The following PLXNA4 variants were observed in gnomAD, a reference collection of about 807,000 sequenced individuals.
PLXNA4 encodes the protein plexin-A4.
PLXNA4 carries 44 observed loss-of-function variants against 191.8 expected under a neutral mutation model. That is an observed-to-expected ratio of 0.23 (90% confidence interval 0.18 to 0.29). PLXNA4 has a LOEUF of 0.29. Ranked by LOEUF, PLXNA4 falls within the 10% of genes least tolerant of loss-of-function variation. The pLI is 1.00. For missense variants in PLXNA4, 1,800 were observed against 2,488.8 expected (o/e 0.72, Z 5.89); for synonymous variants, 1,082 against 1,009.5 (o/e 1.07, Z -1.36).
intron 3 of PLXNA4, among the ~76,000 whole-genome samples, chr7:132,413,766 C>T (rs577819425): frequency 6.6e-6 from 1 of 152,296 alleles, no homozygotes; most frequent in African/African-American, 2.4e-5. Context: ...TACCTGGAAA[C>T]CCATATATTA....
intron 21 of PLXNA4, among the ~76,000 whole-genome samples, chr7:132,169,391 G>A (rs35701875): frequency 0.35 from 52,761 of 151,886 alleles, 10,810 homozygotes; most frequent in African/African-American, 0.56. Flanking sequence ...GAGATGTCCA[G>A]GGGTGTGCAT....
intron 1 of PLXNA4, among the ~76,000 whole-genome samples, chr7:132,528,043 C>T (rs1585279404): frequency 6.6e-6 from 1 of 152,204 alleles, no homozygotes; most frequent in East Asian, 1.9e-4. Context: ...GAAGCCCAAT[C>T]AGGGTGACAA....
At chr7:132,142,034 G>T (rs1382987514) in intron 29 of PLXNA4, among the ~76,000 whole-genome samples, 4 of 152,188 alleles carry the variant, frequency 2.6e-5, no homozygotes, top group Non-Finnish European at 5.9e-5. Context: ...CCTGGCCTGT[G>T]TGTTTCTTAG....
chr7:132,167,982 C>A (rs1198318435), intron 22 of PLXNA4, among the ~76,000 whole-genome samples: 1 of 152,150 alleles, frequency 6.6e-6, no homozygotes, highest in African/African-American at 2.4e-5. Flanking sequence ...GTCTAAGTGA[C>A]CTCTGAAGAT....
intron 2 of PLXNA4, among the ~76,000 whole-genome samples, chr7:132,637,729 A>G (rs1480667005): frequency 1.3e-5 from 2 of 152,196 alleles, no homozygotes; most frequent in African/African-American, 4.8e-5. Context: ...ATAACTGAAA[A>G]TGAGGACAGG....
intron 3 of PLXNA4, among the ~76,000 whole-genome samples, chr7:132,323,497 C>T (rs1427175591): frequency 6.6e-6 from 1 of 152,150 alleles, no homozygotes; most frequent in Non-Finnish European, 1.5e-5. Context: ...GGAGGCCTGA[C>T]CTGGGTCCAC....
chr7:132,338,097 A>C (rs1368474211), intron 3 of PLXNA4, among the ~76,000 whole-genome samples: 1 of 152,206 alleles, frequency 6.6e-6, no homozygotes, highest in Admixed American at 6.5e-5. Flanking sequence ...TATGACTTTC[A>C]TCCTCTATGA....
chr7:132,449,047 C>T (rs1796017929), intron 3 of PLXNA4, among the ~76,000 whole-genome samples: 1 of 151,928 alleles, frequency 6.6e-6, no homozygotes, highest in Admixed American at 6.6e-5. Context: ...TGGCAAACCA[C>T]TGGTTTATGA....
In PLXNA4 at chr7:132,127,908, T is replaced by TA. The variant is rs1212725722; in HGVS notation, c.*2570dup. On this transcript the variant is annotated 3_prime_UTR_variant, in exon 32 of 32. Coordinates refer to ENST00000321063, the MANE Select transcript of PLXNA4 (RefSeq NM_020911.2). ...AACAATAACAATAATCATCATCCAG[T>TA]AAAAAATAAAAGCTTCAGCAGAACC... 1.5e-5 allele frequency: 2 copies of TA among 134,572 alleles called. No homozygotes were observed. Among genetic ancestry groups the TA allele is most frequent in the African/African-American group, 5.5e-5 (2 of 36,080 alleles). The allele number at this position is 134,572 out of a possible 1,614,324, so 8.3% of individuals were successfully genotyped here. A position where few individuals can be genotyped will look rare whatever the true frequency, so the allele number is the denominator to read the frequency against.
chr7:132,442,701 G>A (rs1795742388), intron 3 of PLXNA4, among the ~76,000 whole-genome samples: 1 of 152,168 alleles, frequency 6.6e-6, no homozygotes, highest in Admixed American at 6.5e-5. Flanking sequence ...GTGGAAAACT[G>A]ACCAAGACAA....
At chr7:132,412,304 T>G (rs1794489902) in intron 3 of PLXNA4, among the ~76,000 whole-genome samples, 1 of 152,222 alleles carries the variant, frequency 6.6e-6, no homozygotes, top group Non-Finnish European at 1.5e-5. Flanking sequence ...TGAATGAAGT[T>G]GCTAGATGAA....
At chr7:132,144,133 C>G (rs1795353523) in intron 29 of PLXNA4, among the ~76,000 whole-genome samples, 1 of 152,186 alleles carries the variant, frequency 6.6e-6, no homozygotes, top group South Asian at 2.1e-4. Flanking sequence ...CAGGCCCACA[C>G]TGCCTCAGAA....
At chr7:132,499,121 C>A (rs117999259) in intron 2 of PLXNA4, among the ~76,000 whole-genome samples, 139 of 152,362 alleles carry the variant, frequency 9.1e-4, no homozygotes, top group East Asian at 1.5e-3. Context: ...CAATAGCGAG[C>A]TTTAGCAGTG....
intron 1 of PLXNA4, among the ~76,000 whole-genome samples, chr7:132,559,530 C>T (rs939600794): frequency 6.6e-5 from 10 of 152,214 alleles, no homozygotes; most frequent in African/African-American, 2.4e-4. Context: ...AGAGGCCCTG[C>T]ACTGTCTGGG....
intron 3 of PLXNA4, among the ~76,000 whole-genome samples, chr7:132,404,410 G>A (rs578134139): frequency 7.9e-5 from 12 of 152,202 alleles, no homozygotes; most frequent in Admixed American, 1.3e-4. Context: ...AGGCTGGTGC[G>A]CAGCCTCCAC....
chr7:132,148,988 G>C (rs1318011714), intron 25 of PLXNA4, among the ~76,000 whole-genome samples: 1 of 152,202 alleles, frequency 6.6e-6, no homozygotes, highest in Non-Finnish European at 1.5e-5. Flanking sequence ...ACTAAGCTTT[G>C]ACAAAGCATG....
At chr7:132,248,722 G>A (rs1799143196) in intron 4 of PLXNA4, among the ~76,000 whole-genome samples, 1 of 152,172 alleles carries the variant, frequency 6.6e-6, no homozygotes, top group South Asian at 2.1e-4. Context: ...GGAAGGTCTA[G>A]CCCCTCAGCA....
At chr7:132,185,103 G>A (rs1796832551) in intron 16 of PLXNA4, among the ~76,000 whole-genome samples, 196 bp downstream of exon 16, 1 of 152,216 alleles carries the variant, frequency 6.6e-6, no homozygotes, top group South Asian at 2.1e-4. Flanking sequence ...CTCCAGGCTG[G>A]GTTTGGCACA....
intron 31 of PLXNA4, among the ~76,000 whole-genome samples, chr7:132,132,791 A>C (rs1795007486): frequency 6.6e-6 from 1 of 152,202 alleles, no homozygotes; most frequent in Admixed American, 6.5e-5. Flanking sequence ...GAGAGAAAAT[A>C]AGAATTAAAA....
Sources: allele counts gnomAD v4.1 joint callset (sites outside exome capture counted in the v4.1 genomes callset), GRCh38; gene constraint gnomAD v4.1.1; transcripts MANE v1.5; gene names NCBI Gene and HGNC (gene_info 2026-07-23, HGNC 2026-07-21).